Variants in COG6 observed in about 807,000 individuals in gnomAD.
The protein encoded by COG6 is conserved oligomeric Golgi complex subunit 6.
Under a neutral mutation model 88.8 loss-of-function variants are expected in COG6, and 74 were observed. That is an observed-to-expected ratio of 0.83 (90% CI 0.69 to 1.01). The LOEUF is 1.01. Among genes scored for constraint, COG6 ranks in the 50% least tolerant of loss-of-function variants. The pLI is 0.00. For synonymous variants in COG6, 286 were observed against 278.7 expected, an observed-to-expected ratio of 1.03 and a Z score of -0.26; for missense variants, 800 against 797.9, an observed-to-expected ratio of 1.00 and a Z score of -0.03.
chr13:39,734,134 TCTA>T (rs1879607092), intron 18 of COG6, among the ~76,000 whole-genome samples: 1 of 152,094 alleles, frequency 6.6e-6, no homozygotes, highest in Admixed American at 6.5e-5. Flanking sequence ...TTTATTTTCT[TCTA>T]CTAATTTTGG....
At chr13:39,757,674 G>A (rs1880882377) in intron 18 of COG6, among the ~76,000 whole-genome samples, 1 of 151,852 alleles carries the variant, frequency 6.6e-6, no homozygotes, top group African/African-American at 2.4e-5. Context: ...GCAAACCAGT[G>A]GAAGTGGACA....
At chr13:39,772,462 G>A (rs1318029233) in intron 18 of COG6, among the ~76,000 whole-genome samples, 1 of 152,138 alleles carries the variant, frequency 6.6e-6, no homozygotes, top group African/African-American at 2.4e-5. Context: ...TATTTCTTCA[G>A]CTCTCCATTG....
At chr13:39,719,168 A>G (rs1878703214) in intron 13 of COG6, 68 bp from the exon 14 acceptor site, 1 of 1,484,632 alleles carries the variant, frequency 6.7e-7, no homozygotes, top group Non-Finnish European at 9.4e-7. Flanking sequence ...TTTACTATGA[A>G]CTTACATTTA....
chr13:39,746,233 TAAAA>T (rs79814174), intron 18 of COG6, among the ~76,000 whole-genome samples: 1 of 142,626 alleles, frequency 7.0e-6, no homozygotes, highest in African/African-American at 2.6e-5. Context: ...AAAGTATCAT[TAAAA>T]AAAAAAAAAG....
chr13:39,657,447 G>A (rs940945364), intron 1 of COG6, among the ~76,000 whole-genome samples: 9 of 151,912 alleles, frequency 5.9e-5, no homozygotes, highest in Admixed American at 3.9e-4. Context: ...GATTTCATTC[G>A]TTCAACATTA....
At chr13:39,788,440 GGACTGGCTATAGAAATGTGGCCA>G (rs1223253827) in exon 19 of COG6, 19 of 1,355,026 alleles carry the variant, frequency 1.4e-5, no homozygotes, top group Admixed American at 2.0e-5. Context: ...TCTGCCTTGG[GGACTGGCTATAGAAATGTGGCCA>G]GATGGCTTTG....
intron 13 of COG6, among the ~76,000 whole-genome samples, chr13:39,706,109 A>G (rs1877878690): frequency 6.6e-6 from 1 of 151,040 alleles, no homozygotes; most frequent in Non-Finnish European, 1.5e-5. Context: ...AAAAACTTAA[A>G]TTCCACATAT....
At chr13:39,732,842 T>C (rs942183964) in intron 18 of COG6, among the ~76,000 whole-genome samples, 4 of 152,180 alleles carry the variant, frequency 2.6e-5, no homozygotes, top group Non-Finnish European at 5.9e-5. Context: ...GGGAATTTTT[T>C]CTAAATGTTA....
chr13:39,738,599 A>G (rs1033616089), intron 18 of COG6, among the ~76,000 whole-genome samples: 8 of 152,190 alleles, frequency 5.3e-5, no homozygotes, highest in African/African-American at 1.9e-4. Flanking sequence ...TTGAACTAAA[A>G]GACAAAATTG....
chr13:39,688,033 T>C (rs978511011), intron 10 of COG6, among the ~76,000 whole-genome samples: 2 of 152,186 alleles, frequency 1.3e-5, no homozygotes, highest in African/African-American at 4.8e-5. Context: ...CCTAGTGACC[T>C]TTCATATCAA....
exon 19 of COG6, chr13:39,788,499 C>A: frequency 1.4e-6 from 1 of 715,272 alleles, no homozygotes; most frequent in Non-Finnish European, 2.4e-6. Context: ...TACTCTGTGA[C>A]TCTTCATCTG....
At chr13:39,725,885 G>A (rs1220782194) in intron 17 of COG6, among the ~76,000 whole-genome samples, 1 of 151,778 alleles carries the variant, frequency 6.6e-6, no homozygotes, top group African/African-American at 2.4e-5. Flanking sequence ...GAAGATCTAT[G>A]CTCACACTTA....
chr13:39,691,058 T>C (rs535590813), intron 11 of COG6, among the ~76,000 whole-genome samples: 12 of 151,874 alleles, frequency 7.9e-5, no homozygotes, highest in African/African-American at 2.9e-4. Context: ...TGCCTTACCT[T>C]CCCCCCTTCC....
intron 18 of COG6, among the ~76,000 whole-genome samples, chr13:39,728,695 C>T (rs1051251229): frequency 2.0e-5 from 3 of 150,538 alleles, no homozygotes; most frequent in East Asian, 1.9e-4. Context: ...TTTGAGACGG[C>T]GTCTTGCTCT....
chr13:39,752,989 C>T (rs527588987), downstream of COG6, among the ~76,000 whole-genome samples: 12 of 152,234 alleles, frequency 7.9e-5, no homozygotes, highest in East Asian at 2.3e-3. Context: ...TTTCTCTGTG[C>T]CTTCATTTGA....
downstream of COG6, among the ~76,000 whole-genome samples, chr13:39,756,741 C>A (rs368645579): frequency 6.8e-6 from 1 of 147,464 alleles, no homozygotes; most frequent in East Asian, 2.0e-4. Flanking sequence ...GAGCTCTGGG[C>A]GGGGCGGGGG....
intron 18 of COG6, among the ~76,000 whole-genome samples, chr13:39,778,595 G>T (rs1387444682): frequency 6.6e-6 from 1 of 152,234 alleles, no homozygotes; most frequent in Non-Finnish European, 1.5e-5. Context: ...CTTAGAAGCT[G>T]TATTAGTTAT....
At chr13:39,734,420 T>A (rs1203030416) in intron 18 of COG6, among the ~76,000 whole-genome samples, 1 of 152,192 alleles carries the variant, frequency 6.6e-6, no homozygotes, top group Non-Finnish European at 1.5e-5. Context: ...AAAATTATTA[T>A]TGTTATTGAT....
At chr13:39,743,364 A>G (rs1433016161) in intron 18 of COG6, among the ~76,000 whole-genome samples, 2 of 152,174 alleles carry the variant, frequency 1.3e-5, no homozygotes, top group African/African-American at 4.8e-5. Flanking sequence ...TAGCAAGACT[A>G]ATAAAGAAGA....
Sources: allele counts gnomAD v4.1 joint callset (sites outside exome capture counted in the v4.1 genomes callset), GRCh38; gene constraint gnomAD v4.1.1; transcripts MANE v1.5; gene names NCBI Gene and HGNC (gene_info 2026-07-23, HGNC 2026-07-21).